C3orf20: variants seen among roughly 807,000 people sequenced by gnomAD.
The protein encoded by C3orf20 is family with sequence similarity 149 member C, also known as uncharacterized protein C3orf20.
A neutral mutation model predicts 88.3 loss-of-function variants in C3orf20; 76 were observed. That is an observed-to-expected ratio of 0.86 (90% CI 0.72 to 1.04). The LOEUF (loss-of-function observed/expected upper bound fraction) is 1.04, where lower values mean the gene tolerates loss of function less well. Ranked by LOEUF, C3orf20 falls within the 50% of genes least tolerant of loss-of-function variation. The pLI is 0.00. For synonymous variants in C3orf20, 436 were observed against 437.4 expected (o/e 1.00, Z 0.04); for missense variants, 1,056 against 1,123.3 (o/e 0.94, Z 0.86).
At chr3:14,713,545 G>C (rs2033826623) in intron 7 of C3orf20, among the ~76,000 whole-genome samples, 1 of 152,218 alleles carries the variant, frequency 6.6e-6, no homozygotes, top group African/African-American at 2.4e-5. Context: ...GGAGCAGCCT[G>C]ATAGCATTAG....
chr3:14,767,627 A>G (rs2035751469), intron 15 of C3orf20, among the ~76,000 whole-genome samples: 1 of 152,214 alleles, frequency 6.6e-6, no homozygotes, highest in South Asian at 2.1e-4. Context: ...CCCTGTGTAA[A>G]CTTTAATGCA....
At position 14,772,768 on chromosome 3, in the gene C3orf20, C is replaced by G; in HGVS notation, c.2631-23C>G. 6.3e-7 allele frequency: 1 copy of G among 1,599,228 alleles called. No homozygotes were observed. Among genetic ancestry groups the G allele is most frequent in the Non-Finnish European group, 8.6e-7 (1 of 1,166,896 alleles). On this transcript the variant is annotated intron_variant, in intron 16 of 16. Coordinates refer to ENST00000253697, the MANE Select transcript of C3orf20 (RefSeq NM_032137.5). The surrounding 1 kb of genome is among the most constrained non-coding windows in gnomAD (Gnocchi z 4.2). Reference sequence around the variant, plus strand: ...TGTGAAGAACAGCCCTTCCGCCTCCCGGCCCTCTATTTTGATCTTTAGGAC... The same window carrying G: ...TGTGAAGAACAGCCCTTCCGCCTCCGGGCCCTCTATTTTGATCTTTAGGAC...
chr3:14,728,125 T>A (rs1234050632), intron 11 of C3orf20, among the ~76,000 whole-genome samples: 1 of 152,226 alleles, frequency 6.6e-6, no homozygotes, highest in Non-Finnish European at 1.5e-5. Flanking sequence ...AGGAATGCAT[T>A]GTGTAGCTAG....
chr3:14,753,499 T>C (rs773907684), intron 12 of C3orf20, among the ~76,000 whole-genome samples: 15 of 152,160 alleles, frequency 9.9e-5, no homozygotes, highest in Non-Finnish European at 1.6e-4. Flanking sequence ...ATAATATATA[T>C]ATAGTTAAGC....
intron 12 of C3orf20, among the ~76,000 whole-genome samples, chr3:14,756,049 A>T (rs899707272): frequency 2.0e-5 from 3 of 147,460 alleles, no homozygotes; most frequent in African/African-American, 7.5e-5. Flanking sequence ...AAAAAAAAAG[A>T]AAAAGAAAAA....
chr3:14,715,472 A>G, intron 9 of C3orf20, 63 bp downstream of exon 9: 1 of 1,564,866 alleles, frequency 6.4e-7, no homozygotes, highest in Non-Finnish European at 8.7e-7. Context: ...GGGTCTGGGC[A>G]TCCTGCCATG....
intron 7 of C3orf20, among the ~76,000 whole-genome samples, chr3:14,707,165 C>T (rs1451055372): frequency 6.9e-6 from 1 of 144,706 alleles, no homozygotes; most frequent in Non-Finnish European, 1.5e-5. Flanking sequence ...AGGAGAATGG[C>T]ATGAACCCAG....
intron 5 of C3orf20, 33 bp from the exon 6 acceptor site, chr3:14,703,097 G>A: frequency 6.2e-7 from 1 of 1,612,748 alleles, no homozygotes. Context: ...ATGGTCTTGG[G>A]CATCTCTCTA....
At chr3:14,719,044 A>G (rs546206220) in intron 9 of C3orf20, among the ~76,000 whole-genome samples, 2 of 151,176 alleles carry the variant, frequency 1.3e-5, no homozygotes, top group African/African-American at 2.4e-5. Context: ...ACCTTATCCC[A>G]TGCTGCTCCT....
rs140903081 is a variant in C3orf20 at position 14,728,523 on chromosome 3, G to A, written c.1775G>A (p.Arg592Gln). The change falls in exon 12 of 17, where the codon CGG becomes CAG. Residue 592 changes from arginine (R) to glutamine (Q), a missense_variant. Transcript: ENST00000253697. ...FKMRSRTHPE[R>Q]LPKLSLYSGE... ...ATGAGATCCAGAACTCATCCCGAGC[G>A]GCTCCCCAAGCTAAGTTTATACTCA... 6.8e-6 allele frequency: 11 copies of A among 1,614,154 alleles called. No homozygotes were observed. The highest frequency in any genetic ancestry group is 3.3e-4 in the Middle Eastern group (2 of 6,062).
In C3orf20 at chr3:14,701,006, C is replaced by T. The variant is rs9860601; in HGVS notation, c.746-2124C>T. The stretch of plus-strand genomic sequence containing the variant: ...GGTGTCCAATGTTACAAGAAGAGAA[C>T]TGTTAATAGCAGTTCCTAGTCAGAG... On this transcript the variant is annotated intron_variant, in intron 5 of 16. Transcript: ENST00000253697. The surrounding 1 kb of genome is among the most constrained non-coding windows in gnomAD (Gnocchi z 4.6). Among the ~76,000 whole-genome samples the T allele has an allele frequency of 0.16, 23,661 of 152,220 alleles. 2,147 individuals are homozygous for T. The highest frequency in any genetic ancestry group is 0.28 in the East Asian group (1,472 of 5,174).
chr3:14,679,281 TC>T (rs2031953951), intron 1 of C3orf20, among the ~76,000 whole-genome samples: 1 of 152,226 alleles, frequency 6.6e-6, no homozygotes, highest in Non-Finnish European at 1.5e-5. Context: ...TAGGTCAAGA[TC>T]CATGTCTCAG....
At chr3:14,719,074 C>T (rs145015263) in intron 9 of C3orf20, among the ~76,000 whole-genome samples, 17 of 152,096 alleles carry the variant, frequency 1.1e-4, no homozygotes, top group Admixed American at 2.6e-4. Context: ...ATTTTGACTC[C>T]TCTTCAAAGT....
chr3:14,757,036 T>G (rs892629730), intron 12 of C3orf20, among the ~76,000 whole-genome samples: 2 of 152,148 alleles, frequency 1.3e-5, no homozygotes, highest in Non-Finnish European at 1.5e-5. Flanking sequence ...AGTGGTCAGA[T>G]TGTGGGTCTG....
intron 1 of C3orf20, among the ~76,000 whole-genome samples, chr3:14,679,109 G>T (rs1180898423): frequency 6.6e-6 from 1 of 152,106 alleles, no homozygotes; most frequent in Non-Finnish European, 1.5e-5. Context: ...CTATCTGCCT[G>T]GCAACTTCTT....
chr3:14,692,607 G>A (rs1559400314), intron 5 of C3orf20, among the ~76,000 whole-genome samples: 2 of 152,096 alleles, frequency 1.3e-5, no homozygotes, highest in East Asian at 1.9e-4. Flanking sequence ...TTCCTGCAGA[G>A]TTGTTTGAAC....
intron 9 of C3orf20, among the ~76,000 whole-genome samples, chr3:14,717,156 T>C (rs193288388): frequency 1.3e-5 from 2 of 152,336 alleles, no homozygotes; most frequent in African/African-American, 4.8e-5. Context: ...TCTCTGAGTC[T>C]CAGCTGTCTC....
chr3:14,704,602 G>T lies in C3orf20; in HGVS notation c.1144G>T (p.Gly382Cys). The change falls in exon 7 of 17, where the codon GGC (glycine) becomes TGC (cysteine). Residue 382 changes from glycine (G) to cysteine (C), a missense_variant. Physicochemically the swap from Gly to Cys is radical, Grantham distance 159. Coordinates refer to ENST00000253697, the MANE Select transcript of C3orf20 (RefSeq NM_032137.5). Reference sequence around the variant, plus strand: ...CAAGTTTCATTACACCTTCTATGATGGCTCCTCCTTCGTTTAGTATCCTTT... The same window carrying T: ...CAAGTTTCATTACACCTTCTATGATTGCTCCTCCTTCGTTTAGTATCCTTT... ...AFKFHYTFYDGSSFVYYPSGN... is the reference protein window; with the variant it reads ...AFKFHYTFYDCSSFVYYPSGN... 1 of 1,613,756 alleles carries T rather than the reference G, an allele frequency of 6.2e-7. No individual in the cohort carries two copies. Among genetic ancestry groups the T allele is most frequent in the Non-Finnish European group, 8.5e-7 (1 of 1,180,020 alleles).
chr3:14,754,305 G>T (rs1003850726), intron 12 of C3orf20, among the ~76,000 whole-genome samples: 1 of 152,162 alleles, frequency 6.6e-6, no homozygotes, highest in South Asian at 2.1e-4. Context: ...ATAAAACAAA[G>T]TCAAGCTCTG....
Sources: gnomAD v4.1 joint callset for allele counts (sites outside exome capture counted in the v4.1 genomes callset) on GRCh38, gnomAD v4.1.1 for gene constraint, Gnocchi (gnomAD v3.1) non-coding constraint, MANE v1.5 for transcripts, NCBI Gene and HGNC (gene_info 2026-07-23, HGNC 2026-07-21) for gene names.